The following ZBTB40 variants were observed in gnomAD, a reference collection of about 807,000 sequenced individuals.
ZBTB40 encodes the protein zinc finger and BTB domain containing 40.
ZBTB40 carries 60 observed loss-of-function variants against 117.5 expected under a neutral mutation model. The observed-to-expected ratio is 0.51, with a 90% CI of 0.41 to 0.63. The LOEUF (loss-of-function observed/expected upper bound fraction) is 0.63, where lower values mean the gene tolerates loss of function less well. Ranked by LOEUF, ZBTB40 falls within the 30% of genes least tolerant of loss-of-function variation. The probability of loss-of-function intolerance (pLI) is 0.00; values close to 1 mark genes in which losing one functional copy is unlikely to be tolerated. For missense variants in ZBTB40, 1,287 were observed against 1,498.5 expected, an observed-to-expected ratio of 0.86 and a Z score of 2.33; for synonymous variants, 525 against 577.1, an observed-to-expected ratio of 0.91 and a Z score of 1.29.
At chr1:22,488,430 A>G (rs1638533545) in intron 1 of ZBTB40, among the ~76,000 whole-genome samples, 1 of 152,208 alleles carries the variant, frequency 6.6e-6, no homozygotes, top group African/African-American at 2.4e-5. Flanking sequence ...AAACATGGTC[A>G]GGAAAGGCCT....
In ZBTB40 at chr1:22,522,400, C is replaced by G; in HGVS notation, c.3235C>G (p.Gln1079Glu). 1.9e-6 allele frequency: 3 copies of G among 1,614,156 alleles called. No individual in the cohort carries two copies. The highest frequency in any genetic ancestry group is 2.5e-6 in the Non-Finnish European group (3 of 1,180,038). ...HADMKFHECD[Q>E]CKELFPTPAL... ...AGATATGAAGTTCCATGAATGTGAC[C>G]AGTGTAAGGAGCTCTTCCCCACGCC... is the stretch of plus-strand genomic sequence containing the variant. Residue 1079 changes from glutamine to glutamate, a missense_variant, in exon 16 of 18, where the codon CAG becomes GAG. Physicochemically the swap from Gln to Glu is conservative, Grantham distance 29. Around this residue, in one of 2 missense-constraint regions of ZBTB40, gnomAD observed 417 missense variants for 564.1 expected, o/e 0.74. Coordinates refer to ENST00000375647, the MANE Select transcript of ZBTB40 (RefSeq NM_014870.4).
intron 3 of ZBTB40, among the ~76,000 whole-genome samples, chr1:22,493,700 T>C (rs960972634): frequency 2.6e-5 from 4 of 152,088 alleles, no homozygotes; most frequent in Non-Finnish European, 5.9e-5. Flanking sequence ...TGTACGTAAG[T>C]TTGTATTTTC....
intron 1 of ZBTB40, among the ~76,000 whole-genome samples, chr1:22,464,795 G>A (rs1036004534): frequency 6.6e-6 from 1 of 152,116 alleles, no homozygotes; most frequent in African/African-American, 2.4e-5. Flanking sequence ...GTTGCATGCT[G>A]GTTGTTTTCT....
Position 22,472,824 on chromosome 1 carries a change from T to A in ZBTB40, c.-69-17056T>A, listed in dbSNP as rs116327111. ...TCCTGGCACAGGATCCTGTTAGGTC[T>A]AGTTACTTTGGCAGCAACTGGCTAA... On this transcript the variant is annotated intron_variant, in intron 1 of 17. Coordinates refer to ENST00000375647, the MANE Select transcript of ZBTB40 (RefSeq NM_014870.4). Among the ~76,000 whole-genome samples the A allele has an allele frequency of 9.0e-3, 1,365 of 152,342 alleles. 11 individuals are homozygous for A. Among genetic ancestry groups the A allele is most frequent in the African/African-American group, 0.031 (1,295 of 41,574 alleles).
chr1:22,503,108 G>T (rs1638986910), intron 5 of ZBTB40, among the ~76,000 whole-genome samples: 1 of 95,486 alleles, frequency 1.0e-5, no homozygotes. Context: ...TTGAGCATTA[G>T]TATCCTTTTT....
intron 1 of ZBTB40, chr1:22,452,888 C>T (rs1319047043): frequency 6.6e-6 from 1 of 152,274 alleles, no homozygotes; most frequent in Non-Finnish European, 1.5e-5. Flanking sequence ...CTGCAATGAA[C>T]CAGGTGCTTT....
chr1:22,511,532 G>C, intron 10 of ZBTB40, 144 bp from the exon 11 acceptor site: 1 of 1,241,008 alleles, frequency 8.1e-7, no homozygotes, highest in Non-Finnish European at 1.1e-6. Context: ...TTATTGGAAA[G>C]TAAGGAGGAC....
intron 1 of ZBTB40, among the ~76,000 whole-genome samples, chr1:22,458,146 G>A (rs144486005): frequency 3.3e-5 from 5 of 152,284 alleles, no homozygotes; most frequent in African/African-American, 9.6e-5. Flanking sequence ...CTCTTGTCCT[G>A]GATTATGAAA....
upstream of ZBTB40, among the ~76,000 whole-genome samples, chr1:22,448,477 G>A (rs932659045): frequency 6.6e-6 from 1 of 152,060 alleles, no homozygotes; most frequent in Non-Finnish European, 1.5e-5. Context: ...TGTAATCCTT[G>A]AATTCTTTAT....
intron 6 of ZBTB40, 62 bp from the exon 7 acceptor site, chr1:22,507,939 T>C: frequency 1.2e-6 from 2 of 1,612,760 alleles, no homozygotes; most frequent in Non-Finnish European, 1.7e-6. Flanking sequence ...GGTAATATCC[T>C]GGAGTCTTCT....
chr1:22,455,460 T>C (rs1169894302), intron 1 of ZBTB40, among the ~76,000 whole-genome samples: 1 of 152,130 alleles, frequency 6.6e-6, no homozygotes, highest in Admixed American at 6.5e-5. Flanking sequence ...AGTAACCATA[T>C]TGCACATGTC....
chr1:22,491,475 C>T lies in ZBTB40; in HGVS notation c.773C>T (p.Thr258Ile). ...GTCTTCTCAGATGCACTCATGGTTA[C>T]CCAGGATGTTTTAAAAAAACTAGAA... is the stretch of plus-strand genomic sequence containing the variant. ...EGVFSDALMV[T>I]QDVLKKLEMC... Residue 258 changes from threonine to isoleucine, a missense_variant, in exon 3 of 18, where the codon ACC becomes ATC. This residue lies in a region of ZBTB40 where 870 missense variants were observed against 934.4 expected (regional missense o/e 0.93). Coordinates refer to ENST00000375647, the MANE Select transcript of ZBTB40 (RefSeq NM_014870.4). 1 of 1,613,788 alleles carries T rather than the reference C, an allele frequency of 6.2e-7. No homozygotes were observed. Among genetic ancestry groups the T allele is most frequent in the Non-Finnish European group, 8.5e-7 (1 of 1,179,852 alleles).
Position 22,526,662 on chromosome 1 carries a change from T to A in ZBTB40, c.*266T>A, listed in dbSNP as rs1557529984. 2 of 454,066 alleles carry A rather than the reference T, an allele frequency of 4.4e-6. No individual in the cohort carries two copies. Among genetic ancestry groups the A allele is most frequent in the Non-Finnish European group, 8.2e-6 (2 of 243,828 alleles). 28.1% of individuals were successfully genotyped at this position (454,066 alleles called of 1,614,324 possible). ...CCCGCTGCTGCGGCCTCTATGACAC[T>A]GTCCATCCCCAAGTGACATGTGGCT... is the stretch of plus-strand genomic sequence containing the variant. On this transcript the variant is annotated 3_prime_UTR_variant, in exon 18 of 18. Coordinates refer to ENST00000375647, the MANE Select transcript of ZBTB40 (RefSeq NM_014870.4).
chr1:22,512,824 G>T lies in ZBTB40; in HGVS notation c.2462-100G>T, dbSNP rs1639277206. 2.2e-6 allele frequency: 3 copies of T among 1,374,456 alleles called. No homozygotes were observed. The Admixed American group carries it at 5.4e-5, about 25-fold the overall frequency. The allele number at this position is 1,374,456 out of a possible 1,614,324, so 85.1% of individuals were successfully genotyped here. On this transcript the variant is annotated intron_variant, in intron 11 of 17. Transcript: ENST00000375647. The stretch of plus-strand genomic sequence containing the variant: ...CTGGGCTTCATGCTGTGCTTCCTCT[G>T]GAGGCCTGGGCTGAGACAGTGCTCT...
At chr1:22,507,873 A>G (rs1639114152) in intron 6 of ZBTB40, 128 bp from the exon 7 acceptor site, 3 of 1,392,910 alleles carry the variant, frequency 2.2e-6, no homozygotes, top group Admixed American at 1.8e-5. Flanking sequence ...GCCCCAAGCC[A>G]GGGCTCTGCA....
At chr1:22,483,477 T>G (rs1442599250) in intron 1 of ZBTB40, among the ~76,000 whole-genome samples, 1 of 152,216 alleles carries the variant, frequency 6.6e-6, no homozygotes, top group Non-Finnish European at 1.5e-5. Flanking sequence ...GTTTTGGATT[T>G]TGGTCATTCT....
At position 22,524,417 on chromosome 1, in the gene ZBTB40, C is replaced by G. The variant is rs1639620922; in HGVS notation, c.3498C>G (p.Thr1166=). The G allele has an allele frequency of 6.2e-7, 1 of 1,613,956 alleles. No individual in the cohort carries two copies. The highest frequency in any genetic ancestry group is 1.3e-5 in the African/African-American group (1 of 74,920). ...SEHPKVMSTE[T]QAAASQMAQV... Reference sequence around the variant, plus strand: ...ACCCAAAGGTGATGAGCACGGAAACCCAGGCCGCAGCCTCACAGATGGCGC... The same window carrying G: ...ACCCAAAGGTGATGAGCACGGAAACGCAGGCCGCAGCCTCACAGATGGCGC... The change falls in exon 17 of 18, where the codon ACC becomes ACG. Residue 1166 remains threonine (T), a synonymous_variant. Transcript: ENST00000375647.
chr1:22,464,730 A>G (rs1443782003), intron 1 of ZBTB40, among the ~76,000 whole-genome samples: 1 of 152,228 alleles, frequency 6.6e-6, no homozygotes, highest in African/African-American at 2.4e-5. Context: ...AAATGCAAAT[A>G]TGTATATGCA....
intron 3 of ZBTB40, 28 bp from the exon 4 acceptor site, chr1:22,501,464 T>C (rs905348192): frequency 6.2e-7 from 1 of 1,613,636 alleles, no homozygotes. Context: ...TTCGCTAATC[T>C]ATCTTTCTGG....
Sources: gnomAD v4.1 joint callset for allele counts (sites outside exome capture counted in the v4.1 genomes callset) on GRCh38, gnomAD v4.1.1 for gene constraint, gnomAD v4.1.1 regional missense constraint, MANE v1.5 for transcripts, NCBI Gene and HGNC (gene_info 2026-07-23, HGNC 2026-07-21) for gene names.